The following SPAST variants were observed in gnomAD, a reference collection of about 807,000 sequenced individuals.
The protein encoded by SPAST is spastin.
In SPAST, 30 loss-of-function variants were observed where a neutral mutation model predicts 76.6. The ratio of observed to expected loss-of-function variants is 0.39; its 90% confidence interval spans 0.29 to 0.53. The LOEUF is 0.53. SPAST is among the 20% of genes least tolerant of loss of function. The pLI is 0.68. For missense variants in SPAST, 717 were observed against 770.5 expected (o/e 0.93, Z 0.82); for synonymous variants, 305 against 281.0 (o/e 1.09, Z -0.86).
intron 4 of SPAST, among the ~76,000 whole-genome samples, chr2:32,106,746 T>C (rs944719374): frequency 2.0e-5 from 3 of 152,236 alleles, no homozygotes; most frequent in Non-Finnish European, 2.9e-5. Flanking sequence ...GGTTTGGTCT[T>C]ACAGTATAGT....
At position 32,092,782 on chromosome 2, in the gene SPAST, C is replaced by T. The variant is rs556433682; in HGVS notation, c.586+3177C>T. ...CAGCACTTTGGGAGGCCAAGGTGGGCGGATCACCTGAGGTCAGGAGTTCAC... is the reference window on the plus strand; with the variant it reads ...CAGCACTTTGGGAGGCCAAGGTGGGTGGATCACCTGAGGTCAGGAGTTCAC... On this transcript the variant is annotated intron_variant, in intron 3 of 16. Coordinates refer to ENST00000315285, the MANE Select transcript of SPAST (RefSeq NM_014946.4). Among the ~76,000 whole-genome samples the T allele has an allele frequency of 1.6e-4, 24 of 152,072 alleles. No homozygotes were observed. In the South Asian group the frequency reaches 4.1e-3, roughly 26 times the overall value.
At chr2:32,090,305 C>A (rs1048228060) in intron 3 of SPAST, among the ~76,000 whole-genome samples, 3 of 152,214 alleles carry the variant, frequency 2.0e-5, no homozygotes, top group African/African-American at 7.2e-5. Flanking sequence ...ACACTGCCCT[C>A]AAAACCTAAC....
At chr2:32,091,254 T>TGC (rs1199973683) in intron 3 of SPAST, among the ~76,000 whole-genome samples, 12 of 30,014 alleles carry the variant, frequency 4.0e-4, no homozygotes, top group African/African-American at 1.8e-3. Flanking sequence ...GCTATTATTA[T>TGC]TATTATTATT....
rs182294493 is a variant in SPAST, at chr2:32,101,678, C to T, written c.682+2787C>T. Among the ~76,000 whole-genome samples, 536 of 152,304 alleles carry T rather than the reference C, an allele frequency of 3.5e-3. 1 individual carries two copies. Among genetic ancestry groups the T allele is most frequent in the African/African-American group, 0.012 (519 of 41,568 alleles). On this transcript the variant is annotated intron_variant, in intron 4 of 16. Transcript: ENST00000315285. ...AAGGTGTAAGGAAGGGATCCAGTTT[C>T]AGCTTTGTACGTTTGGCTAGCCAGT... is the stretch of plus-strand genomic sequence containing the variant.
rs1296538765 is a variant in SPAST, at chr2:32,157,054, C to A, written c.*2558C>A. On this transcript the variant is annotated 3_prime_UTR_variant, in exon 17 of 17. Transcript: ENST00000315285. ...TCTTTTTCAATAAAGATAGAAGTTGCTGAAGTTTTCTGAATTAATAATGAC... is the reference window on the plus strand; with the variant it reads ...TCTTTTTCAATAAAGATAGAAGTTGATGAAGTTTTCTGAATTAATAATGAC... 6.6e-6 allele frequency: 1 copy of A among 152,500 alleles called. No individual in the cohort carries two copies. The highest frequency in any genetic ancestry group is 2.4e-5 in the African/African-American group (1 of 41,434). 9.4% of individuals were successfully genotyped at this position (152,500 alleles called of 1,614,324 possible).
intron 9 of SPAST, among the ~76,000 whole-genome samples, chr2:32,136,015 T>A (rs1018611852): frequency 2.4e-4 from 36 of 147,942 alleles, no homozygotes; most frequent in Middle Eastern, 3.4e-3. Flanking sequence ...GAGGCAAAAG[T>A]CACAGTGAGC....
chr2:32,149,702 A>G (rs1267334411), intron 16 of SPAST, among the ~76,000 whole-genome samples: 4 of 152,200 alleles, frequency 2.6e-5, no homozygotes, highest in South Asian at 2.1e-4. Flanking sequence ...TTTACATTGC[A>G]TTTACATTGT....
chr2:32,081,970 CAG>C lies in SPAST; in HGVS notation c.416-5520_416-5519del, dbSNP rs1246332052. Among the ~76,000 whole-genome samples, 5 of 147,372 alleles carry C rather than the reference CAG, an allele frequency of 3.4e-5. No homozygotes were observed. In the East Asian group the frequency reaches 6.0e-4, roughly 18 times the overall value. On this transcript the variant is annotated intron_variant, in intron 1 of 16. Coordinates refer to ENST00000315285, the MANE Select transcript of SPAST (RefSeq NM_014946.4). ...TTGGAAACTCACTAATCCCTTCAAA[CAG>C]ATGTTTTTAAAACTTTTTTTCTAGT...
At chr2:32,144,412 C>T (rs781327232) in intron 14 of SPAST, among the ~76,000 whole-genome samples, 3 of 152,072 alleles carry the variant, frequency 2.0e-5, no homozygotes, top group Non-Finnish European at 2.9e-5. Flanking sequence ...AGATAGTATG[C>T]CTTAATCTAA....
Position 32,115,901 on chromosome 2 carries a change from G to A in SPAST, c.1004+66G>A, listed in dbSNP as rs186834749. 456 of 1,295,398 alleles carry A rather than the reference G, an allele frequency of 3.5e-4. 8 individuals are homozygous for A. In the East Asian group the frequency reaches 9.1e-3, roughly 26 times the overall value. 80.2% of individuals were successfully genotyped at this position (1,295,398 alleles called of 1,614,324 possible). ...TATTTTAATTTTACTTATAAAACATGTCAGGAGTGAAATAGATAATAAATA... is the reference window on the plus strand; with the variant it reads ...TATTTTAATTTTACTTATAAAACATATCAGGAGTGAAATAGATAATAAATA... On this transcript the variant is annotated intron_variant, in intron 6 of 16. Transcript: ENST00000315285.
intron 4 of SPAST, among the ~76,000 whole-genome samples, chr2:32,100,976 A>G (rs1678097552): frequency 6.6e-6 from 1 of 152,226 alleles, no homozygotes; most frequent in African/African-American, 2.4e-5. Context: ...GTATATACCC[A>G]GTAATGGGAT....
At position 32,143,323 on chromosome 2, in the gene SPAST, T is replaced by C. The variant is rs750360192; in HGVS notation, c.1537-13T>C. 1 of 1,425,732 alleles carries C rather than the reference T, an allele frequency of 7.0e-7. No homozygotes were observed. The highest frequency in any genetic ancestry group is 1.2e-5 in the South Asian group (1 of 86,290). The allele number at this position is 1,425,732 out of a possible 1,614,324, so 88.3% of individuals were successfully genotyped here. A position where few individuals can be genotyped will look rare whatever the true frequency, so the allele number is the denominator to read the frequency against. On this transcript the variant is annotated splice_polypyrimidine_tract_variant and intron_variant, in intron 13 of 16. Transcript: ENST00000315285. ...GAAATTAGACTGAATGATCATTTTT[T>C]AATATTTTTCAGACAAGACTACTTT...
In SPAST at chr2:32,104,788, C is replaced by A. The variant is rs555390212; in HGVS notation, c.682+5897C>A. Among the ~76,000 whole-genome samples, 6 of 152,330 alleles carry A rather than the reference C, an allele frequency of 3.9e-5. No homozygotes were observed. The East Asian group carries it at 1.2e-3, about 29-fold the overall frequency. On this transcript the variant is annotated intron_variant, in intron 4 of 16. Coordinates refer to ENST00000315285, the MANE Select transcript of SPAST (RefSeq NM_014946.4). ...AATGTTGAATATTGGCCCCCACTCT[C>A]TTCTGGTTTTTAGAGTTTCTGCCAA...
At chr2:32,087,959 C>T (rs1350425656) in intron 2 of SPAST, among the ~76,000 whole-genome samples, 1 of 151,884 alleles carries the variant, frequency 6.6e-6, no homozygotes, top group Admixed American at 6.6e-5. Flanking sequence ...TCTCGGCTCA[C>T]TGCAATCTCC....
intron 16 of SPAST, among the ~76,000 whole-genome samples, chr2:32,149,562 C>T (rs181071174): frequency 6.6e-6 from 1 of 152,218 alleles, no homozygotes; most frequent in African/African-American, 2.4e-5. Flanking sequence ...CTTTTCTATC[C>T]GTGGATTCTG....
chr2:32,105,603 T>G (rs1678289601), intron 4 of SPAST, among the ~76,000 whole-genome samples: 5 of 152,174 alleles, frequency 3.3e-5, no homozygotes, highest in Admixed American at 3.3e-4. Flanking sequence ...TATCTACCTT[T>G]GGTCTTTGAT....
At chr2:32,127,942 CATTG>C (rs1679248793) in intron 8 of SPAST, 1 of 159,184 alleles carries the variant, frequency 6.3e-6, no homozygotes, top group African/African-American at 2.4e-5. Flanking sequence ...GAAAGGAACA[CATTG>C]ATTGCCATGT....
chr2:32,072,698 A>T (rs528408689), intron 1 of SPAST, among the ~76,000 whole-genome samples: 1 of 152,204 alleles, frequency 6.6e-6, no homozygotes, highest in Non-Finnish European at 1.5e-5. Context: ...ATTGTACTTT[A>T]TTTAAAACTC....
chr2:32,125,718 TTGG>T (rs1405180353), intron 7 of SPAST, among the ~76,000 whole-genome samples: 1 of 152,058 alleles, frequency 6.6e-6, no homozygotes, highest in Non-Finnish European at 1.5e-5. Context: ...GCCTTCTGCT[TTGG>T]TGGTGATTGG....
Sources: allele counts gnomAD v4.1 joint callset (sites outside exome capture counted in the v4.1 genomes callset), GRCh38; gene constraint gnomAD v4.1.1; transcripts MANE v1.5; gene names NCBI Gene and HGNC (gene_info 2026-07-23, HGNC 2026-07-21).